The following EHBP1 variants were observed in gnomAD, a reference collection of about 807,000 sequenced individuals.
EHBP1 encodes EH domain binding protein 1, also known as EH domain-binding protein 1.
EHBP1 carries 55 observed loss-of-function variants against 144.0 expected under a neutral mutation model. That is an observed-to-expected ratio of 0.38 (90% CI 0.31 to 0.48). The LOEUF (loss-of-function observed/expected upper bound fraction) is 0.48, where lower values mean the gene tolerates loss of function less well. Among genes scored for constraint, EHBP1 ranks in the 20% least tolerant of loss-of-function variants. The pLI, the probability that EHBP1 is intolerant of heterozygous loss-of-function variation, is 0.98. For missense variants in EHBP1, 1,200 were observed against 1,364.2 expected, an observed-to-expected ratio of 0.88 and a Z score of 1.90; for synonymous variants, 469 against 472.7, an observed-to-expected ratio of 0.99 and a Z score of 0.10.
intron 9 of EHBP1, among the ~76,000 whole-genome samples, chr2:62,868,403 T>C (rs1222521935): frequency 6.6e-6 from 1 of 152,016 alleles, no homozygotes; most frequent in Non-Finnish European, 1.5e-5. Context: ...CTGAAGATTC[T>C]AGAAGAGGAC....
At chr2:62,990,956 G>A (rs1489930413) in intron 16 of EHBP1, 116 bp downstream of exon 16, 3 of 1,309,980 alleles carry the variant, frequency 2.3e-6, no homozygotes, top group African/African-American at 1.5e-5. Context: ...ATTAAGATTA[G>A]GGTATAAGAA....
At chr2:62,919,424 T>A (rs2054888897) in intron 10 of EHBP1, among the ~76,000 whole-genome samples, 1 of 152,178 alleles carries the variant, frequency 6.6e-6, no homozygotes, top group Non-Finnish European at 1.5e-5. Context: ...AAGGCACAGG[T>A]ACAGAAAAGA....
intron 10 of EHBP1, among the ~76,000 whole-genome samples, chr2:62,889,090 G>A (rs2052210111): frequency 9.9e-6 from 1 of 100,628 alleles, no homozygotes; most frequent in African/African-American, 3.9e-5. Flanking sequence ...TTGAGGCAGA[G>A]TCTCACTCTG....
chr2:62,810,536 A>G (rs905222682), intron 5 of EHBP1, among the ~76,000 whole-genome samples: 5 of 152,230 alleles, frequency 3.3e-5, no homozygotes, highest in Non-Finnish European at 7.3e-5. Flanking sequence ...GAAACAGCTT[A>G]AGGAGTGGAG....
At chr2:62,995,836 T>C (rs1194686371) in intron 18 of EHBP1, among the ~76,000 whole-genome samples, 3 of 152,096 alleles carry the variant, frequency 2.0e-5, no homozygotes, top group Non-Finnish European at 1.5e-5. Context: ...AAATTAAAGG[T>C]AAACTGGCAC....
At chr2:62,687,645 T>C (rs894413524) in intron 1 of EHBP1, among the ~76,000 whole-genome samples, 1 of 152,218 alleles carries the variant, frequency 6.6e-6, no homozygotes, top group African/African-American at 2.4e-5. Flanking sequence ...CTCCCAATTT[T>C]TTTTGTGGAT....
intron 19 of EHBP1, among the ~76,000 whole-genome samples, chr2:63,031,077 G>T (rs563715145): frequency 2.6e-5 from 4 of 152,130 alleles, no homozygotes; most frequent in Admixed American, 6.5e-5. Context: ...GATTACAGGC[G>T]TGAGCCACTG....
intron 15 of EHBP1, chr2:62,988,048 A>G (rs745918836): frequency 6.6e-7 from 1 of 1,505,668 alleles, no homozygotes; most frequent in South Asian, 1.2e-5. Context: ...GGTAATTTCA[A>G]ATTATAAATG....
intron 10 of EHBP1, among the ~76,000 whole-genome samples, chr2:62,942,443 T>C (rs898791395): frequency 3.3e-5 from 5 of 152,222 alleles, no homozygotes; most frequent in Non-Finnish European, 5.9e-5. Context: ...AACTTTAACG[T>C]GATGTTTCCA....
At chr2:62,692,191 T>G (rs909396757) in intron 1 of EHBP1, among the ~76,000 whole-genome samples, 1 of 152,244 alleles carries the variant, frequency 6.6e-6, no homozygotes, top group Non-Finnish European at 1.5e-5. Context: ...TCATCCATGT[T>G]ATAGCGTGAA....
intron 7 of EHBP1, among the ~76,000 whole-genome samples, chr2:62,833,384 T>A (rs1413918415): frequency 6.6e-6 from 1 of 152,212 alleles, no homozygotes; most frequent in Admixed American, 6.5e-5. Flanking sequence ...AAACACTGAT[T>A]TTCCATGTAG....
chr2:62,887,421 C>T (rs2052024431), intron 10 of EHBP1, among the ~76,000 whole-genome samples: 1 of 152,030 alleles, frequency 6.6e-6, no homozygotes, highest in Non-Finnish European at 1.5e-5. Flanking sequence ...TGATTACTTG[C>T]AAGAGTCTTT....
intron 7 of EHBP1, among the ~76,000 whole-genome samples, chr2:62,835,561 T>A (rs989947474): frequency 3.3e-5 from 5 of 152,200 alleles, no homozygotes; most frequent in African/African-American, 7.2e-5. Flanking sequence ...GGGTGATTTC[T>A]GCATTTCCAT....
chr2:62,948,909 T>C lies in EHBP1; in HGVS notation c.2063T>C (p.Leu688Pro), dbSNP rs767333250. The C allele has an allele frequency of 6.2e-7, 1 of 1,614,028 alleles. No homozygotes were observed. Among genetic ancestry groups the C allele is most frequent in the Non-Finnish European group, 8.5e-7 (1 of 1,179,968 alleles). ...TGTGAGGAGACAGATGAACAAAAGC[T>C]TCAAACTCTAGACATCGGTAGTAAC... Reference protein sequence around the residue: ...FICEETDEQKLQTLDIGSNLE... With the variant: ...FICEETDEQKPQTLDIGSNLE... Residue 688 changes from leucine (L) to proline (P), a missense_variant, in exon 13 of 23, where the codon CTT (leucine) becomes CCT (proline). Physicochemically the swap from Leu to Pro is moderately conservative, Grantham distance 98 (BLOSUM62 -3). This residue lies in a region of EHBP1 where 543 missense variants were observed against 513.1 expected (regional missense o/e 1.06). Transcript: ENST00000431489.
At chr2:62,741,465 T>C (rs2038701285) in intron 2 of EHBP1, among the ~76,000 whole-genome samples, 1 of 152,180 alleles carries the variant, frequency 6.6e-6, no homozygotes, top group African/African-American at 2.4e-5. Flanking sequence ...AGGAGACAAA[T>C]GTCCTTGCCT....
At chr2:62,770,605 C>T (rs2041587633) in intron 4 of EHBP1, among the ~76,000 whole-genome samples, 1 of 152,120 alleles carries the variant, frequency 6.6e-6, no homozygotes, top group African/African-American at 2.4e-5. Context: ...ATGGCAATTC[C>T]TCAAAGAGCT....
At chr2:62,876,023 CAG>C (rs2050863657) in intron 10 of EHBP1, among the ~76,000 whole-genome samples, 1 of 152,088 alleles carries the variant, frequency 6.6e-6, no homozygotes, top group Non-Finnish European at 1.5e-5. Flanking sequence ...ATCCCTGAAA[CAG>C]AGGGAGAGAG....
intron 6 of EHBP1, 100 bp from the exon 7 acceptor site, chr2:62,830,919 A>G (rs2046782688): frequency 1.6e-6 from 2 of 1,251,498 alleles, no homozygotes; most frequent in African/African-American, 1.6e-5. Flanking sequence ...ACTTATTGAC[A>G]TACCTTATAG....
At chr2:62,674,673 T>C (rs2033221547) in intron 1 of EHBP1, among the ~76,000 whole-genome samples, 1 of 152,192 alleles carries the variant, frequency 6.6e-6, no homozygotes, top group African/African-American at 2.4e-5. Flanking sequence ...TAAACCAATA[T>C]TGCTAAAGCA....
Sources: gnomAD v4.1 joint callset for allele counts (sites outside exome capture counted in the v4.1 genomes callset) on GRCh38, gnomAD v4.1.1 for gene constraint, gnomAD v4.1.1 regional missense constraint, MANE v1.5 for transcripts, NCBI Gene and HGNC (gene_info 2026-07-23, HGNC 2026-07-21) for gene names.